VPS25: variants seen among roughly 807,000 people sequenced by gnomAD.
VPS25 encodes the protein vacuolar protein-sorting-associated protein 25.
VPS25 carries 21 observed loss-of-function variants against 30.3 expected under a neutral mutation model. The ratio of observed to expected loss-of-function variants is 0.69; its 90% CI spans 0.49 to 1.00. VPS25 has a LOEUF of 1.00. Among genes scored for constraint, VPS25 ranks in the 50% least tolerant of loss-of-function variants. The pLI is 0.00. For missense variants in VPS25, 156 were observed against 217.2 expected (o/e 0.72, Z 1.77); for synonymous variants, 101 against 88.1 (o/e 1.15, Z -0.82).
Position 42,775,486 on chromosome 17 carries a change from G to C in VPS25, c.342+17G>C, listed in dbSNP as rs772642055. 6.3e-7 allele frequency: 1 copy of C among 1,597,838 alleles called. No individual in the cohort carries two copies. The highest frequency in any genetic ancestry group is 1.3e-5 in the African/African-American group (1 of 74,644). ...TATCAGTGGGTGAGATCATTATTCT[G>C]CCAAGTATTCAACAGTGACCCATGG... On this transcript the variant is annotated intron_variant, in intron 4 of 5. Coordinates refer to ENST00000253794, the MANE Select transcript of VPS25 (RefSeq NM_032353.4).
chr17:42,779,114 G>T lies in VPS25; in HGVS notation c.*45G>T, dbSNP rs1381958691. On this transcript the variant is annotated 3_prime_UTR_variant, in exon 6 of 6. Transcript: ENST00000253794. ...ACTTCTTACCTCCCACCTTTCCAGG[G>T]CTTTCAAAAGGAGACAGACCCAGTG... 9.6e-6 allele frequency: 15 copies of T among 1,555,478 alleles called. No individual in the cohort carries two copies. The highest frequency in any genetic ancestry group is 1.2e-5 in the Non-Finnish European group (14 of 1,137,764).
chr17:42,778,729 G>A (rs1190015405), intron 5 of VPS25, among the ~76,000 whole-genome samples: 1 of 152,178 alleles, frequency 6.6e-6, no homozygotes, highest in Non-Finnish European at 1.5e-5. Flanking sequence ...AGTCTGAGAG[G>A]AGAACCAAGA....
chr17:42,777,847 C>T (rs751720864), intron 5 of VPS25, among the ~76,000 whole-genome samples: 4 of 152,246 alleles, frequency 2.6e-5, no homozygotes, highest in Non-Finnish European at 5.9e-5. Context: ...CCACAAGTTT[C>T]GATCTTAGCT....
intron 2 of VPS25, chr17:42,774,135 G>GT (rs1430732486): frequency 2.5e-6 from 1 of 406,138 alleles, no homozygotes; most frequent in Non-Finnish European, 4.4e-6. Flanking sequence ...CAAGTTCCAA[G>GT]TTTTTTAACC....
Position 42,776,271 on chromosome 17 carries a change from C to T in VPS25, c.369C>T (p.Ser123=), listed in dbSNP as rs755467213. The T allele has an allele frequency of 3.7e-5, 60 of 1,613,504 alleles. No individual in the cohort carries two copies. The highest frequency in any genetic ancestry group is 4.6e-5 in the Non-Finnish European group (54 of 1,180,010). ...QWVSRSGQNN[S]VFTLYELTNG... is the part of the protein sequence containing the mutation. ...TTTCCAGGAGTGGCCAGAACAACTC[C>T]GTCTTTACCCTGTATGAACTGACTA... The change falls in exon 5 of 6, where the codon TCC becomes TCT. Residue 123 remains serine, a synonymous_variant. Transcript: ENST00000253794.
intron 2 of VPS25, 157 bp downstream of exon 2, chr17:42,774,035 C>T (rs2054423938): frequency 3.4e-6 from 3 of 884,820 alleles, no homozygotes; most frequent in African/African-American, 3.4e-5. Flanking sequence ...CTGACATTTT[C>T]CCCTGGCAAA....
rs111592142 is a variant in VPS25, at chr17:42,773,630, G to A, written c.53+102G>A. On this transcript the variant is annotated intron_variant, in intron 1 of 5. Transcript: ENST00000253794. ...ATATGGGGAGGGGGAGAAAAGACCCGTCGGCCAACACCCTCAGTCCCTTAC... is the reference window on the plus strand; with the variant it reads ...ATATGGGGAGGGGGAGAAAAGACCCATCGGCCAACACCCTCAGTCCCTTAC... 41 of 1,605,300 alleles carry A rather than the reference G, an allele frequency of 2.6e-5. No individual in the cohort carries two copies. In the African/African-American group the frequency reaches 3.3e-4, roughly 13 times the overall value.
chr17:42,778,644 G>A (rs544598212), intron 5 of VPS25, among the ~76,000 whole-genome samples: 9 of 152,282 alleles, frequency 5.9e-5, no homozygotes, highest in Non-Finnish European at 1.3e-4. Context: ...TGATTTTCAC[G>A]GCCCCTTTGT....
Position 42,775,409 on chromosome 17 carries a change from GT to G in VPS25, c.283del (p.Ser95ProfsTer4). 6.2e-7 allele frequency: 1 copy of G among 1,614,136 alleles called. No homozygotes were observed. The highest frequency in any genetic ancestry group is 8.5e-7 in the Non-Finnish European group (1 of 1,179,988). On this transcript the variant is annotated frameshift_variant, in exon 4 of 6. Coordinates refer to ENST00000253794, the MANE Select transcript of VPS25 (RefSeq NM_032353.4). LOFTEE classifies it high-confidence loss of function. Reference protein sequence around the residue: ...GNLEWLDKSKSSFLIMWRRPE... With the variant: ...GNLEWLDKSKXSFLIMWRRPE... The stretch of plus-strand genomic sequence containing the variant: ...ACCTCGAGTGGTTGGATAAGAGCAA[GT>G]CCAGCTTCCTGATCATGTGGCGGAG...
At position 42,773,541 on chromosome 17, in the gene VPS25, C is replaced by T; in HGVS notation, c.53+13C>T. 6.2e-7 allele frequency: 1 copy of T among 1,614,194 alleles called. No homozygotes were observed. Among genetic ancestry groups the T allele is most frequent in the Non-Finnish European group, 8.5e-7 (1 of 1,180,030 alleles). ...CACCCTTCTTTACGTGAGGCTCAGA[C>T]CCCAAGAAGCACCGCTGTGCCTCCC... On this transcript the variant is annotated intron_variant, in intron 1 of 5. Transcript: ENST00000253794.
chr17:42,774,575 C>T (rs183640440), intron 2 of VPS25, 71 bp from the exon 3 acceptor site: 236 of 1,361,268 alleles, frequency 1.7e-4, no homozygotes, highest in Non-Finnish European at 1.9e-4. Flanking sequence ...TGTTTCTCAA[C>T]ATGGGACTGG....
chr17:42,774,610 A>C, intron 2 of VPS25, 36 bp from the exon 3 acceptor site: 1 of 1,600,054 alleles, frequency 6.2e-7, no homozygotes, highest in Non-Finnish European at 8.5e-7. Flanking sequence ...ATCCTACCCA[A>C]CTCATGTGTA....
intron 5 of VPS25, among the ~76,000 whole-genome samples, chr17:42,778,619 C>T (rs894833836): frequency 5.3e-5 from 8 of 152,214 alleles, no homozygotes; most frequent in Non-Finnish European, 8.8e-5. Flanking sequence ...ACAATGGCTC[C>T]GATCTCCCTA....
intron 4 of VPS25, 90 bp downstream of exon 4, chr17:42,775,559 T>C: frequency 9.1e-7 from 1 of 1,096,482 alleles, no homozygotes; most frequent in Non-Finnish European, 1.3e-6. Flanking sequence ...TGTTCCCAGA[T>C]CCAGACTGAG....
chr17:42,779,055 G>A lies in VPS25; in HGVS notation c.517G>A (p.Val173Ile), dbSNP rs1431150090. 6.8e-6 allele frequency: 11 copies of A among 1,613,672 alleles called. No homozygotes were observed. The highest frequency in any genetic ancestry group is 1.7e-5 in the Admixed American group (1 of 59,982). ...EIITVSDGRG[V>I]KFF Reference sequence around the variant, plus strand: ...CATCACTGTCAGCGATGGCCGAGGCGTCAAGTTCTTCTAGCAGGGACCTGT... The same window carrying A: ...CATCACTGTCAGCGATGGCCGAGGCATCAAGTTCTTCTAGCAGGGACCTGT... The change falls in exon 6 of 6, where the codon GTC (valine) becomes ATC (isoleucine). Residue 173 changes from valine (V) to isoleucine (I), a missense_variant. Transcript: ENST00000253794.
Position 42,775,387 on chromosome 17 carries a change from T to G in VPS25, c.260T>G (p.Leu87Arg). Residue 87 changes from leucine (L) to arginine (R), a missense_variant, in exon 4 of 6, where the codon CTC becomes CGC. By Grantham distance (102) the Leu-to-Arg change is moderately radical. Transcript: ENST00000253794. ...ATAAGTATCTGTTTTACAGGGAACC[T>G]CGAGTGGTTGGATAAGAGCAAGTCC... ...VLEELRKKGNLEWLDKSKSSF... is the reference protein window; with the variant it reads ...VLEELRKKGNREWLDKSKSSF... 6.2e-7 allele frequency: 1 copy of G among 1,613,880 alleles called. No homozygotes were observed. Among genetic ancestry groups the G allele is most frequent in the Non-Finnish European group, 8.5e-7 (1 of 1,179,828 alleles).
At chr17:42,778,894 C>T in intron 5 of VPS25, 63 bp from the exon 6 acceptor site, 3 of 1,499,898 alleles carry the variant, frequency 2.0e-6, no homozygotes, top group East Asian at 2.3e-5. Flanking sequence ...CCAGCCAGAG[C>T]ACTCTCCTCA....
At chr17:42,774,322 CAG>C in intron 2 of VPS25, 1 of 303,006 alleles carries the variant, frequency 3.3e-6, no homozygotes. Context: ...AGGCAACAGA[CAG>C]AGGGTGAGGA....
rs1348042642 is a variant in VPS25 at position 42,773,833 on chromosome 17, A to G, written c.154A>G (p.Met52Val). 1 of 1,614,028 alleles carries G rather than the reference A, an allele frequency of 6.2e-7. No individual in the cohort carries two copies. Among genetic ancestry groups the G allele is most frequent in the East Asian group, 2.2e-5 (1 of 44,882 alleles). ...GCACAAACAGTCCAGCATGACGGTG[A>G]TGGAAGCTCAGGAGAGCCCGCTCTT... The part of the protein sequence containing the change: ...RLHKQSSMTV[M>V]EAQESPLFNN... Residue 52 changes from methionine (M) to valine (V), a missense_variant, in exon 2 of 6, where the codon ATG becomes GTG. Transcript: ENST00000253794.
Sources: allele counts gnomAD v4.1 joint callset (sites outside exome capture counted in the v4.1 genomes callset), GRCh38; gene constraint gnomAD v4.1.1; transcripts MANE v1.5; gene names NCBI Gene and HGNC (gene_info 2026-07-23, HGNC 2026-07-21).